JAKMIP3: variants seen among roughly 807,000 people sequenced by gnomAD.
JAKMIP3 encodes the protein Janus kinase and microtubule interacting protein 3, also known as janus kinase and microtubule-interacting protein 3.
JAKMIP3 carries 58 observed loss-of-function variants against 118.5 expected under a neutral mutation model. The ratio of observed to expected loss-of-function variants is 0.49; its 90% CI spans 0.40 to 0.61. The LOEUF (loss-of-function observed/expected upper bound fraction) is 0.61. JAKMIP3 is among the 20% of genes least tolerant of loss of function. The probability of loss-of-function intolerance (pLI) is 0.00; values close to 1 mark genes in which losing one functional copy is unlikely to be tolerated. For missense variants in JAKMIP3, 950 were observed against 1,109.0 expected (o/e 0.86, Z 2.04); for synonymous variants, 486 against 451.2 (o/e 1.08, Z -0.98).
intron 20 of JAKMIP3, among the ~76,000 whole-genome samples, chr10:132,163,868 A>ACAG (rs2058633298): frequency 6.6e-6 from 1 of 152,134 alleles, no homozygotes; most frequent in Non-Finnish European, 1.5e-5. Context: ...TTCTCTGGGG[A>ACAG]CAGCAGCCCA....
chr10:132,163,353 C>A lies in JAKMIP3; in HGVS notation c.2365C>A (p.Arg789Ser). 2 of 1,609,224 alleles carry A rather than the reference C, an allele frequency of 1.2e-6. No homozygotes were observed. The highest frequency in any genetic ancestry group is 1.7e-6 in the Non-Finnish European group (2 of 1,179,440). Residue 789 changes from arginine (R) to serine (S), a missense_variant, in exon 20 of 24, where the codon CGC (arginine) becomes AGC (serine). Transcript: ENST00000684848. Reference protein sequence around the residue: ...QWKRQVMSELRERDAQILRER... With the variant: ...QWKRQVMSELSERDAQILRER... ...GAAGCGCCAGGTCATGAGTGAGCTG[C>A]GCGAGCGGGACGCCCAGATCCTGCG...
At chr10:132,177,518 G>A (rs1334609629) in intron 23 of JAKMIP3, among the ~76,000 whole-genome samples, 1 of 77,362 alleles carries the variant, frequency 1.3e-5, no homozygotes, top group Non-Finnish European at 2.6e-5. Context: ...CTGTGCCCTG[G>A]GTAGTGTGTG....
chr10:132,138,212 A>ACAC (rs1450599272), intron 9 of JAKMIP3, 34 bp downstream of exon 9: 1 of 1,574,892 alleles, frequency 6.3e-7, no homozygotes, highest in African/African-American at 1.4e-5. Context: ...TGCGGAGAGT[A>ACAC]CGCCGGGTGT....
At chr10:132,077,906 G>A (rs2041084764) in intron 1 of JAKMIP3, among the ~76,000 whole-genome samples, 1 of 152,210 alleles carries the variant, frequency 6.6e-6, no homozygotes, top group Non-Finnish European at 1.5e-5. Flanking sequence ...CCACCTCCCA[G>A]GTTCAGGAGA....
rs5789112 is a variant in JAKMIP3 at position 132,054,039 on chromosome 10, C to CA, written c.-138+17322dup. 9.1e-3 allele frequency among the ~76,000 whole-genome samples: 911 copies of CA among 100,520 alleles called. 7 individuals are homozygous for CA. The highest frequency in any genetic ancestry group is 0.012 in the African/African-American group (318 of 26,566). The allele number at this position is 100,520 out of a possible 152,430, so 65.9% of individuals were successfully genotyped here. On this transcript the variant is annotated intron_variant, in intron 1 of 23. Transcript: ENST00000657785. ...TGGGTGACAGAGTGAGACTCTGTCTCAAAAAAAAAAAAAAAAAAAAATGCT... is the reference window on the plus strand; with the variant it reads ...TGGGTGACAGAGTGAGACTCTGTCTCAAAAAAAAAAAAAAAAAAAAAATGCT...
intron 3 of JAKMIP3, among the ~76,000 whole-genome samples, chr10:132,119,845 T>C (rs1039582744): frequency 1.3e-5 from 2 of 152,254 alleles, no homozygotes; most frequent in African/African-American, 4.8e-5. Flanking sequence ...AAGATTTTAT[T>C]AACTCATTAA....
rs111298337 is a variant in JAKMIP3 at position 132,136,117 on chromosome 10, G to A, written c.1116+41G>A. On this transcript the variant is annotated intron_variant, in intron 6 of 23. Transcript: ENST00000684848. The stretch of plus-strand genomic sequence containing the variant: ...GCTCCACGGGGCCACGGTCGCACCC[G>A]AGCTCCAGGCAGCATCTCCTCCCTT... 13 of 1,604,002 alleles carry A rather than the reference G, an allele frequency of 8.1e-6. No homozygotes were observed. In the East Asian group the frequency reaches 8.9e-5, roughly 11 times the overall value.
rs978287980 is a variant in JAKMIP3 at position 132,171,106 on chromosome 10, C to T, written c.*1103+2073C>T. ...GTTCAGTCAAGTGAGGAGAGGAGAG[C>T]GATGCCTTTGCAGGCTCCCTTGGGG... On this transcript the variant is annotated intron_variant, in intron 23 of 23. Coordinates refer to ENST00000684848, the MANE Select transcript of JAKMIP3 (RefSeq NM_001323087.2). Among the ~76,000 whole-genome samples, 7 of 152,206 alleles carry T rather than the reference C, an allele frequency of 4.6e-5. 1 individual carries two copies. Among genetic ancestry groups the T allele is most frequent in the South Asian group, 4.1e-4 (2 of 4,830 alleles).
rs1284334726 is a variant in JAKMIP3, at chr10:132,133,489, G to A, written c.811G>A (p.Ala271Thr). 1 of 1,578,614 alleles carries A rather than the reference G, an allele frequency of 6.3e-7. No homozygotes were observed. Among genetic ancestry groups the A allele is most frequent in the Admixed American group, 1.8e-5 (1 of 54,724 alleles). The change falls in exon 4 of 24, where the codon GCT (alanine) becomes ACT (threonine). Residue 271 changes from alanine to threonine, a missense_variant. Transcript: ENST00000684848. ...CCCCAGACGGGAACTTCCTCATGCAGCTGGTGCAGGAGACGCTTCAGACCA... is the reference window on the plus strand; with the variant it reads ...CCCCAGACGGGAACTTCCTCATGCAACTGGTGCAGGAGACGCTTCAGACCA... ...GSPRRELPHA[A>T]GAGDASDHSG...
At chr10:132,134,499 C>A (rs922818203) in intron 4 of JAKMIP3, among the ~76,000 whole-genome samples, 1 of 152,198 alleles carries the variant, frequency 6.6e-6, no homozygotes, top group African/African-American at 2.4e-5. Context: ...CCAGGGGTCC[C>A]AAAAGCGGCT....
chr10:132,129,065 G>A (rs185948228), intron 3 of JAKMIP3, among the ~76,000 whole-genome samples: 288 of 152,244 alleles, frequency 1.9e-3, no homozygotes, highest in African/African-American at 6.6e-3. Context: ...GTGATGTGTT[G>A]TGAGGCTGCG....
At chr10:132,108,533 G>T (rs1002263188) in intron 2 of JAKMIP3, among the ~76,000 whole-genome samples, 1 of 152,040 alleles carries the variant, frequency 6.6e-6, no homozygotes, top group Non-Finnish European at 1.5e-5. Context: ...GAGGGCCCCT[G>T]GGCCACCAAG....
At chr10:132,171,648 C>CTTTTTTTTTTT (rs1324091102) in intron 23 of JAKMIP3, among the ~76,000 whole-genome samples, 7 of 125,548 alleles carry the variant, frequency 5.6e-5, no homozygotes, top group African/African-American at 2.0e-4. Context: ...TTATTTTTTT[C>CTTTTTTTTTTT]TTTCTTTTTT....
intron 3 of JAKMIP3, among the ~76,000 whole-genome samples, chr10:132,129,903 G>A (rs572504120): frequency 1.0e-4 from 14 of 137,858 alleles, no homozygotes; most frequent in African/African-American, 3.5e-4. Context: ...CCTTCAGAAA[G>A]CTGCTTAGGT....
intron 3 of JAKMIP3, among the ~76,000 whole-genome samples, chr10:132,122,729 G>A (rs538813681): frequency 1.4e-4 from 21 of 152,244 alleles, no homozygotes; most frequent in African/African-American, 3.9e-4. Context: ...AAGCACGGTC[G>A]CTGCTGCCAG....
intron 14 of JAKMIP3, among the ~76,000 whole-genome samples, chr10:132,148,389 C>T (rs566290577): frequency 1.5e-4 from 23 of 152,264 alleles, no homozygotes; most frequent in Admixed American, 4.6e-4. Context: ...AAAAGCACGA[C>T]GGGTGACAGT....
intron 23 of JAKMIP3, among the ~76,000 whole-genome samples, chr10:132,180,646 CGTGT>C (rs1187732479): frequency 0.021 from 174 of 8,306 alleles, 21 homozygotes; most frequent in East Asian, 0.12. Context: ...TGCGTGTGTG[CGTGT>C]GCGTGTGCGT....
intron 10 of JAKMIP3, among the ~76,000 whole-genome samples, chr10:132,140,820 G>T (rs1048917454): frequency 6.6e-6 from 1 of 152,170 alleles, no homozygotes. Flanking sequence ...GCTGAGGCCC[G>T]CTCTTGCTCC....
chr10:132,042,074 C>T (rs1344696467), intron 1 of JAKMIP3, among the ~76,000 whole-genome samples: 4 of 151,978 alleles, frequency 2.6e-5, no homozygotes, highest in Admixed American at 2.6e-4. Context: ...ACCACATTGG[C>T]CAGGCTAGTC....
Sources: allele counts gnomAD v4.1 joint callset (sites outside exome capture counted in the v4.1 genomes callset), GRCh38; gene constraint gnomAD v4.1.1; transcripts MANE v1.5; gene names NCBI Gene and HGNC (gene_info 2026-07-23, HGNC 2026-07-21).